HCN1: variants seen among roughly 807,000 people sequenced by gnomAD.
HCN1 encodes hyperpolarization activated cyclic nucleotide gated potassium channel 1.
In HCN1, 13 loss-of-function variants were observed where a neutral mutation model predicts 78.9. The ratio of observed to expected loss-of-function variants is 0.16; its 90% confidence interval spans 0.11 to 0.26. The LOEUF (loss-of-function observed/expected upper bound fraction) is 0.26. HCN1 is among the 10% of genes least tolerant of loss of function. The pLI, the probability that HCN1 is intolerant of heterozygous loss-of-function variation, is 1.00. For synonymous variants in HCN1, 552 were observed against 455.5 expected, an observed-to-expected ratio of 1.21 and a Z score of -2.70; for missense variants, 810 against 1,154.3, an observed-to-expected ratio of 0.70 and a Z score of 4.32.
intron 5 of HCN1, among the ~76,000 whole-genome samples, chr5:45,334,291 G>T (rs368174240): frequency 2.0e-5 from 3 of 151,808 alleles, no homozygotes; most frequent in East Asian, 3.9e-4. Context: ...CATGTTTTCT[G>T]TCTGTTTTCC....
intron 2 of HCN1, among the ~76,000 whole-genome samples, chr5:45,528,405 C>T (rs767902985): frequency 6.6e-6 from 1 of 151,890 alleles, no homozygotes; most frequent in Non-Finnish European, 1.5e-5. Flanking sequence ...TGCACCATTA[C>T]TATAGACCAA....
At chr5:45,310,522 C>G (rs1280391865) in intron 5 of HCN1, among the ~76,000 whole-genome samples, 1 of 152,008 alleles carries the variant, frequency 6.6e-6, no homozygotes, top group Non-Finnish European at 1.5e-5. Context: ...ATAACAGATG[C>G]TGGTGATGTT....
intron 1 of HCN1, among the ~76,000 whole-genome samples, chr5:45,678,955 A>C (rs986256382): frequency 6.6e-6 from 1 of 152,030 alleles, no homozygotes; most frequent in Admixed American, 6.6e-5. Flanking sequence ...AATTGTAGCC[A>C]ATCTTTGACT....
intron 3 of HCN1, among the ~76,000 whole-genome samples, chr5:45,434,763 A>G (rs546814795): frequency 9.2e-5 from 14 of 152,310 alleles, no homozygotes; most frequent in African/African-American, 3.1e-4. Context: ...AGAGAGTTTT[A>G]TAAGTCTTAC....
chr5:45,458,968 A>G (rs971955197), intron 3 of HCN1, among the ~76,000 whole-genome samples: 6 of 152,098 alleles, frequency 3.9e-5, no homozygotes, highest in African/African-American at 1.4e-4. Context: ...GCTTTTTATT[A>G]TTGCAATAAA....
At chr5:45,676,765 T>A (rs1189042051) in intron 1 of HCN1, among the ~76,000 whole-genome samples, 2 of 151,846 alleles carry the variant, frequency 1.3e-5, no homozygotes, top group African/African-American at 4.8e-5. Context: ...ATCTTAACCT[T>A]GAATGGAAAT....
intron 2 of HCN1, among the ~76,000 whole-genome samples, chr5:45,594,661 T>C (rs1414256981): frequency 1.3e-5 from 2 of 152,192 alleles, no homozygotes; most frequent in Admixed American, 6.5e-5. Flanking sequence ...CATTTTTCAT[T>C]CTTAGATTTT....
chr5:45,350,505 G>C (rs1048019544), intron 5 of HCN1, among the ~76,000 whole-genome samples: 1 of 151,842 alleles, frequency 6.6e-6, no homozygotes, highest in Non-Finnish European at 1.5e-5. Flanking sequence ...ATTCAACATA[G>C]TGTTGGAAGT....
intron 2 of HCN1, among the ~76,000 whole-genome samples, chr5:45,494,019 G>C (rs1352118059): frequency 6.6e-6 from 1 of 152,016 alleles, no homozygotes; most frequent in African/African-American, 2.4e-5. Context: ...ATTTGGCTTG[G>C]TTCCAAGTCT....
intron 5 of HCN1, among the ~76,000 whole-genome samples, chr5:45,351,730 A>C (rs1303589198): frequency 6.7e-6 from 1 of 149,014 alleles, no homozygotes; most frequent in Non-Finnish European, 1.5e-5. Flanking sequence ...ATGAACAGAC[A>C]CTTCTCAAAA....
At chr5:45,384,099 C>T (rs1229996274) in intron 4 of HCN1, among the ~76,000 whole-genome samples, 2 of 152,138 alleles carry the variant, frequency 1.3e-5, no homozygotes, top group African/African-American at 4.8e-5. Flanking sequence ...GGGAGAATAA[C>T]TCATCAAAGA....
At chr5:45,616,798 C>T (rs1022463698) in intron 2 of HCN1, among the ~76,000 whole-genome samples, 1 of 151,912 alleles carries the variant, frequency 6.6e-6, no homozygotes, top group African/African-American at 2.4e-5. Flanking sequence ...AAAATAGCTC[C>T]ATTTTTCCTT....
At chr5:45,512,078 A>C (rs955009587) in intron 2 of HCN1, among the ~76,000 whole-genome samples, 40 of 152,082 alleles carry the variant, frequency 2.6e-4, no homozygotes, top group African/African-American at 9.2e-4. Flanking sequence ...CCATCCTGTA[A>C]GGCTCTGTGT....
intron 2 of HCN1, among the ~76,000 whole-genome samples, chr5:45,616,505 A>G (rs1744957073): frequency 6.6e-6 from 1 of 151,998 alleles, no homozygotes; most frequent in Non-Finnish European, 1.5e-5. Context: ...ATCTTCTATG[A>G]GTAAGATATT....
chr5:45,515,741 A>G lies in HCN1; in HGVS notation c.850-53734T>C, dbSNP rs140989182. On this transcript the variant is annotated intron_variant, in intron 2 of 7. Transcript: ENST00000303230. ...CATCCAGCTACTTTATACCCAACCT[A>G]TAACCACATTATGAAACATCATATC... Among the ~76,000 whole-genome samples the G allele has an allele frequency of 3.5e-4, 53 of 152,104 alleles. 1 individual carries two copies. In the East Asian group the frequency reaches 7.0e-3, roughly 20 times the overall value.
intron 6 of HCN1, among the ~76,000 whole-genome samples, chr5:45,276,827 T>G (rs560289792): frequency 1.7e-4 from 26 of 152,058 alleles, no homozygotes; most frequent in African/African-American, 6.0e-4. Flanking sequence ...TTGGTTAGAC[T>G]TCAAAAAAGT....
intron 3 of HCN1, among the ~76,000 whole-genome samples, chr5:45,410,628 A>G (rs1186524129): frequency 6.6e-6 from 1 of 152,102 alleles, no homozygotes; most frequent in Non-Finnish European, 1.5e-5. Context: ...TAAAGACATG[A>G]CTTTAAATTG....
chr5:45,290,001 C>A (rs1745338993), intron 6 of HCN1, among the ~76,000 whole-genome samples: 1 of 151,952 alleles, frequency 6.6e-6, no homozygotes, highest in African/African-American at 2.4e-5. Context: ...TGAATTGTAG[C>A]TCCCATAATT....
chr5:45,579,737 T>A (rs1048200404), intron 2 of HCN1, among the ~76,000 whole-genome samples: 8 of 152,010 alleles, frequency 5.3e-5, no homozygotes, highest in Non-Finnish European at 7.4e-5. Context: ...AATAATAAAT[T>A]AAAAGTAATA....
Sources: gnomAD v4.1 joint callset for allele counts (sites outside exome capture counted in the v4.1 genomes callset) on GRCh38, gnomAD v4.1.1 for gene constraint, MANE v1.5 for transcripts, NCBI Gene and HGNC (gene_info 2026-07-23, HGNC 2026-07-21) for gene names.